Variants in EGF observed in about 807,000 individuals in gnomAD.
EGF encodes epidermal growth factor, also known as pro-epidermal growth factor.
A neutral mutation model predicts 143.8 loss-of-function variants in EGF; 95 were observed. That is an observed-to-expected ratio of 0.66 (90% CI 0.56 to 0.78). EGF has a LOEUF of 0.78. Ranked by LOEUF, EGF falls within the 30% of genes least tolerant of loss-of-function variation. The pLI is 0.00. For synonymous variants in EGF, 510 were observed against 510.5 expected, an observed-to-expected ratio of 1.00 and a Z score of 0.01; for missense variants, 1,320 against 1,470.9, an observed-to-expected ratio of 0.90 and a Z score of 1.68.
chr4:109,969,267 C>T, intron 11 of EGF, 148 bp downstream of exon 11: 4 of 958,188 alleles, frequency 4.2e-6, no homozygotes, highest in South Asian at 1.5e-5. Flanking sequence ...TTGCGGTCCA[C>T]ACTCCCTCCA....
intron 13 of EGF, among the ~76,000 whole-genome samples, chr4:109,979,099 A>G (rs1479610230): frequency 1.3e-5 from 2 of 152,220 alleles, no homozygotes; most frequent in Non-Finnish European, 2.9e-5. Flanking sequence ...GAGCAGTTCC[A>G]GTGGCACAGA....
At chr4:109,974,877 G>A in intron 12 of EGF, 70 bp downstream of exon 12, 2 of 1,262,212 alleles carry the variant, frequency 1.6e-6, no homozygotes, top group African/African-American at 3.0e-5. Flanking sequence ...ATATGCTAGT[G>A]TCCAAAACCA....
At chr4:109,955,192 C>G (rs1389804245) in intron 5 of EGF, among the ~76,000 whole-genome samples, 1 of 152,062 alleles carries the variant, frequency 6.6e-6, no homozygotes, top group African/African-American at 2.4e-5. Context: ...ATTCACTGGG[C>G]TATAGTAAAG....
At chr4:109,955,178 A>G (rs1301026410) in intron 5 of EGF, among the ~76,000 whole-genome samples, 5 of 152,156 alleles carry the variant, frequency 3.3e-5, no homozygotes, top group African/African-American at 1.2e-4. Flanking sequence ...GGTAAAATCT[A>G]CAGATTCACT....
chr4:109,987,690 C>A, intron 16 of EGF, 54 bp from the exon 17 acceptor site: 1 of 1,439,884 alleles, frequency 6.9e-7, no homozygotes, highest in Non-Finnish European at 9.8e-7. Flanking sequence ...GATTAAAGTC[C>A]GTTTTCTTCT....
At chr4:110,001,661 C>A in intron 21 of EGF, 1 of 985,430 alleles carries the variant, frequency 1.0e-6, no homozygotes, top group Non-Finnish European at 1.2e-6. Flanking sequence ...GGATTGAAAG[C>A]TAACGGCAAA....
At chr4:110,001,877 C>T in intron 21 of EGF, 2 of 985,376 alleles carry the variant, frequency 2.0e-6, no homozygotes, top group South Asian at 4.7e-5. Flanking sequence ...ACAATTCTTC[C>T]TGAGTGAATC....
intron 22 of EGF, among the ~76,000 whole-genome samples, chr4:110,005,599 C>G (rs190041742): frequency 6.4e-4 from 97 of 152,260 alleles, no homozygotes; most frequent in African/African-American, 2.2e-3. Context: ...TTGGGAAATT[C>G]AAGATGTTTC....
intron 23 of EGF, among the ~76,000 whole-genome samples, chr4:110,009,166 A>C (rs1753694259): frequency 6.6e-6 from 1 of 152,188 alleles, no homozygotes; most frequent in Non-Finnish European, 1.5e-5. Flanking sequence ...CAAATACTGA[A>C]TTCAGTACAA....
chr4:109,922,379 C>T (rs1379776970), intron 1 of EGF, among the ~76,000 whole-genome samples: 2 of 151,568 alleles, frequency 1.3e-5, no homozygotes, highest in Non-Finnish European at 2.9e-5. Flanking sequence ...ATCATGGACA[C>T]CTACCTACAA....
intron 20 of EGF, among the ~76,000 whole-genome samples, chr4:109,997,297 A>G (rs1751936914): frequency 6.6e-6 from 1 of 152,176 alleles, no homozygotes; most frequent in Non-Finnish European, 1.5e-5. Flanking sequence ...GGAGCAGTAT[A>G]GGGAGGTTCA....
intron 5 of EGF, among the ~76,000 whole-genome samples, chr4:109,953,218 G>A (rs557487622): frequency 1.2e-4 from 18 of 152,192 alleles, no homozygotes; most frequent in African/African-American, 3.1e-4. Context: ...ATTCTTTTTT[G>A]TGATGTTCAA....
intron 16 of EGF, among the ~76,000 whole-genome samples, chr4:109,984,345 C>T (rs764514090): frequency 1.1e-4 from 17 of 151,834 alleles, no homozygotes; most frequent in Non-Finnish European, 2.2e-4. Flanking sequence ...TGTTGATGTA[C>T]GTGGCTCTGG....
chr4:109,917,139 G>C (rs1736800975), intron 1 of EGF, among the ~76,000 whole-genome samples: 1 of 152,170 alleles, frequency 6.6e-6, no homozygotes, highest in Non-Finnish European at 1.5e-5. Context: ...ACTTGAAAGT[G>C]ATAGCGATTA....
chr4:109,986,801 A>G (rs1750189672), intron 16 of EGF, among the ~76,000 whole-genome samples: 1 of 152,026 alleles, frequency 6.6e-6, no homozygotes, highest in Non-Finnish European at 1.5e-5. Context: ...TCTGTTCCCC[A>G]GGGCACTTGG....
At chr4:109,958,387 A>T (rs11568922) in intron 5 of EGF, among the ~76,000 whole-genome samples, 1 of 152,274 alleles carries the variant, frequency 6.6e-6, no homozygotes, top group Admixed American at 6.5e-5. Flanking sequence ...GAAAATCCCA[A>T]TGGTACAAAA....
chr4:109,976,140 C>T lies in EGF; in HGVS notation c.1958C>T (p.Thr653Ile), dbSNP rs1254445172. ...AGTGGAATAACGATTGACTTCTTAA[C>T]TGACAAGTTGTACTGGTGCGATGCC... ...WPSGITIDFL[T>I]DKLYWCDAKQ... The change falls in exon 13 of 24, where the codon ACT becomes ATT. Residue 653 changes from threonine (T) to isoleucine (I), a missense_variant. By Grantham distance (89) the Thr-to-Ile change is moderately conservative. Transcript: ENST00000265171. 1 of 1,614,044 alleles carries T rather than the reference C, an allele frequency of 6.2e-7. No homozygotes were observed. The highest frequency in any genetic ancestry group is 1.3e-5 in the African/African-American group (1 of 74,916).
chr4:109,945,866 G>A (rs531588785), intron 5 of EGF, among the ~76,000 whole-genome samples: 23 of 152,328 alleles, frequency 1.5e-4, no homozygotes, highest in Admixed American at 1.3e-3. Flanking sequence ...TTGCCAGGCC[G>A]TAAGGATCTA....
In EGF at chr4:109,999,755, G is replaced by A. The variant is rs749037337; in HGVS notation, c.3082G>A (p.Gly1028Arg). The part of the protein sequence containing the change: ...KWWELRHAGH[G>R]QQQKVIVVAV... ...GTGGGAACTGCGCCACGCTGGCCAC[G>A]GGCAGCAGCAGAAGGTCATCGTGGT... Residue 1028 changes from glycine to arginine, a missense_variant, in exon 21 of 24, where the codon GGG becomes AGG. By Grantham distance (125) the Gly-to-Arg change is moderately radical. This residue lies in a region of EGF where 1,186 missense variants were observed against 1,313.7 expected (regional missense o/e 0.90). Coordinates refer to ENST00000265171, the MANE Select transcript of EGF (RefSeq NM_001963.6). 11 of 1,613,920 alleles carry A rather than the reference G, an allele frequency of 6.8e-6. No homozygotes were observed. The highest frequency in any genetic ancestry group is 2.2e-5 in the East Asian group (1 of 44,868).
Sources: allele counts gnomAD v4.1 joint callset (sites outside exome capture counted in the v4.1 genomes callset), GRCh38; gene constraint gnomAD v4.1.1; regional missense constraint gnomAD v4.1.1; transcripts MANE v1.5; gene names NCBI Gene and HGNC (gene_info 2026-07-23, HGNC 2026-07-21).